PLOD2: variants seen among roughly 807,000 people sequenced by gnomAD.
PLOD2 encodes the protein lysine hydroxylase 2.
Under a neutral mutation model 101.0 loss-of-function variants are expected in PLOD2, and 65 were observed. The ratio of observed to expected loss-of-function variants is 0.64; its 90% CI spans 0.53 to 0.79. The LOEUF (loss-of-function observed/expected upper bound fraction) is 0.79. PLOD2 is among the 30% of genes least tolerant of loss of function. The probability of loss-of-function intolerance (pLI) is 0.00; values close to 1 mark genes in which losing one functional copy is unlikely to be tolerated. For missense variants in PLOD2, 909 were observed against 914.6 expected (o/e 0.99, Z 0.08); for synonymous variants, 314 against 302.9 (o/e 1.04, Z -0.38).
rs5853264 is a variant in PLOD2 at position 146,099,880 on chromosome 3, CTTT to C, written c.777+2872_777+2874del. Among the ~76,000 whole-genome samples the C allele has an allele frequency of 3.5e-4, 45 of 129,256 alleles. 1 individual carries two copies. The highest frequency in any genetic ancestry group is 6.3e-4 in the Non-Finnish European group (39 of 62,022). 84.8% of individuals were successfully genotyped at this position (129,256 alleles called of 152,430 possible). A position where few individuals can be genotyped will look rare whatever the true frequency, so the allele number is the denominator to read the frequency against. On this transcript the variant is annotated intron_variant, in intron 7 of 19. Coordinates refer to ENST00000282903, the MANE Select transcript of PLOD2 (RefSeq NM_182943.3). Reference sequence around the variant, plus strand: ...GCCTAGGGAAAGTTACAGTGACCAACTTTTTTTTTTTTTTTTTTTGAGACAGAG... The same window carrying C: ...GCCTAGGGAAAGTTACAGTGACCAACTTTTTTTTTTTTTTTTGAGACAGAG...
chr3:146,121,975 T>C (rs145024288), intron 2 of PLOD2, among the ~76,000 whole-genome samples: 5 of 152,260 alleles, frequency 3.3e-5, no homozygotes, highest in African/African-American at 1.2e-4. Flanking sequence ...ACACACCTTT[T>C]CTCTTCATTT....
chr3:146,085,192 T>C lies in PLOD2; in HGVS notation c.1209A>G (p.Leu403=). The part of the protein sequence containing the change: ...ADVVLTNPRT[L]KILIEQNRKI... ...ACCTGTTTTGTTCAATCAAAATTTTTAAAGTCCTTGGATTTGTCAAAACAA... is the reference window on the plus strand; with the variant it reads ...ACCTGTTTTGTTCAATCAAAATTTTCAAAGTCCTTGGATTTGTCAAAACAA... The change falls in exon 11 of 20, where the codon TTA becomes TTG. Residue 403 remains leucine (L), a synonymous_variant. Coordinates refer to ENST00000282903, the MANE Select transcript of PLOD2 (RefSeq NM_182943.3). 1 of 1,571,520 alleles carries C rather than the reference T, an allele frequency of 6.4e-7. No individual in the cohort carries two copies. Among genetic ancestry groups the C allele is most frequent in the Non-Finnish European group, 8.8e-7 (1 of 1,142,356 alleles).
chr3:146,147,568 G>C (rs911067165), intron 1 of PLOD2, among the ~76,000 whole-genome samples: 1 of 152,060 alleles, frequency 6.6e-6, no homozygotes, highest in Non-Finnish European at 1.5e-5. Context: ...GCTGTGTAAT[G>C]CAGGACACTT....
chr3:146,114,534 G>A (rs1937808966), intron 3 of PLOD2, among the ~76,000 whole-genome samples: 2 of 152,056 alleles, frequency 1.3e-5, no homozygotes, highest in African/African-American at 4.8e-5. Flanking sequence ...AGTGACCCCA[G>A]GAAAAATCAG....
At chr3:146,129,017 T>C (rs1387736857) in intron 1 of PLOD2, among the ~76,000 whole-genome samples, 2 of 148,000 alleles carry the variant, frequency 1.4e-5, no homozygotes, top group Non-Finnish European at 3.0e-5. Context: ...CAAGTAACTT[T>C]AAACACAGTT....
Position 146,081,786 on chromosome 3 carries a change from T to C in PLOD2, c.1310A>G (p.Tyr437Cys), listed in dbSNP as rs1559837106. 1 of 1,607,200 alleles carries C rather than the reference T, an allele frequency of 6.2e-7. No homozygotes were observed. The highest frequency in any genetic ancestry group is 8.5e-7 in the Non-Finnish European group (1 of 1,173,780). The change falls in exon 12 of 20, where the codon TAC (tyrosine) becomes TGC (cysteine). Residue 437 changes from tyrosine (Y) to cysteine (C), a missense_variant. Tyr to Cys is a radical substitution (Grantham distance 194, BLOSUM62 -2). Coordinates refer to ENST00000282903, the MANE Select transcript of PLOD2 (RefSeq NM_182943.3). ...NFWGALSPDG[Y>C]YARSEDYVDI... ...CACATAATCTTCAGATCGTGCATAG[T>C]ATCCATCAGGACTCAATGCTCCCCA...
chr3:146,113,090 A>C (rs1937722876), intron 3 of PLOD2, among the ~76,000 whole-genome samples: 1 of 152,232 alleles, frequency 6.6e-6, no homozygotes, highest in African/African-American at 2.4e-5. Flanking sequence ...AGTATAGCTC[A>C]AACTATTAAT....
intron 9 of PLOD2, among the ~76,000 whole-genome samples, chr3:146,087,702 G>A (rs930278194): frequency 5.3e-5 from 8 of 151,710 alleles, no homozygotes; most frequent in East Asian, 3.9e-4. Flanking sequence ...AAAAACGTCC[G>A]CCATCAAGGA....
chr3:146,154,276 C>T (rs11718741), intron 1 of PLOD2, among the ~76,000 whole-genome samples: 49,076 of 151,920 alleles, frequency 0.32, 8,193 homozygotes, highest in South Asian at 0.42. Context: ...ACTTGAAATA[C>T]GGTTTTTTCT....
At chr3:146,100,689 GAGA>G (rs1937355422) in intron 7 of PLOD2, among the ~76,000 whole-genome samples, 1 of 152,142 alleles carries the variant, frequency 6.6e-6, no homozygotes, top group Non-Finnish European at 1.5e-5. Flanking sequence ...AGGGAGAAAG[GAGA>G]AGAAATTGAA....
chr3:146,157,140 G>A (rs982448841), intron 1 of PLOD2, among the ~76,000 whole-genome samples: 1 of 152,112 alleles, frequency 6.6e-6, no homozygotes, highest in Non-Finnish European at 1.5e-5. Context: ...AAGTTCTGGG[G>A]GAAGAAGAAA....
intron 1 of PLOD2, among the ~76,000 whole-genome samples, chr3:146,157,288 C>A (rs1049384567): frequency 6.6e-6 from 1 of 152,084 alleles, no homozygotes; most frequent in Admixed American, 6.5e-5. Flanking sequence ...AAAACTCAGC[C>A]CTTCACTTTG....
chr3:146,086,842 T>C lies in PLOD2; in HGVS notation c.1072A>G (p.Lys358Glu), dbSNP rs755206053. The C allele has an allele frequency of 1.8e-5, 27 of 1,539,204 alleles. No homozygotes were observed. The highest frequency in any genetic ancestry group is 1.8e-6 in the Non-Finnish European group (2 of 1,126,216). Reference sequence around the variant, plus strand: ...AGATTTTCTTCTGGTCCTACTATTTTTATAGTTTTGATTTCATGCTTAGCT... The same window carrying C: ...AGATTTTCTTCTGGTCCTACTATTTCTATAGTTTTGATTTCATGCTTAGCT... ...DKAKHEIKTI[K>E]IVGPEENLSQ... is the part of the protein sequence containing the mutation. Residue 358 changes from lysine (K) to glutamate (E), a missense_variant, in exon 10 of 20, where the codon AAA (lysine) becomes GAA (glutamate). Transcript: ENST00000282903.
rs187055368 is a variant in PLOD2, at chr3:146,141,577, T to A, written c.110-17348A>T. Among the ~76,000 whole-genome samples, 19 of 152,264 alleles carry A rather than the reference T, an allele frequency of 1.2e-4. No individual in the cohort carries two copies. The East Asian group carries it at 3.7e-3, about 29-fold the overall frequency. Reference sequence around the variant, plus strand: ...AACAGATACTGACATTCACTGTTTATCAGGCACTGTGCTACATGTTGGAGA... The same window carrying A: ...AACAGATACTGACATTCACTGTTTAACAGGCACTGTGCTACATGTTGGAGA... On this transcript the variant is annotated intron_variant, in intron 1 of 19. Coordinates refer to ENST00000282903, the MANE Select transcript of PLOD2 (RefSeq NM_182943.3).
chr3:146,149,024 G>A (rs1446801587), intron 1 of PLOD2, among the ~76,000 whole-genome samples: 2 of 152,176 alleles, frequency 1.3e-5, no homozygotes, highest in African/African-American at 2.4e-5. Flanking sequence ...TTTCTGTTCA[G>A]GGAAGAATTC....
chr3:146,096,170 G>T (rs1163852711), intron 7 of PLOD2, among the ~76,000 whole-genome samples: 1 of 147,654 alleles, frequency 6.8e-6, no homozygotes, highest in Non-Finnish European at 1.5e-5. Context: ...ATTGCAGATG[G>T]AGTCTCGTTC....
chr3:146,127,699 C>A (rs550271921), intron 1 of PLOD2, among the ~76,000 whole-genome samples: 2 of 152,082 alleles, frequency 1.3e-5, no homozygotes, highest in Admixed American at 1.3e-4. Flanking sequence ...CCCAGTACTG[C>A]GATGGCTGAA....
At chr3:146,101,698 G>C (rs1331460930) in intron 7 of PLOD2, among the ~76,000 whole-genome samples, 1 of 152,244 alleles carries the variant, frequency 6.6e-6, no homozygotes, top group African/African-American at 2.4e-5. Context: ...CTGGAAGGCA[G>C]TGTGGATTGA....
intron 7 of PLOD2, 143 bp downstream of exon 7, chr3:146,102,612 A>T: frequency 1.6e-6 from 1 of 613,570 alleles, no homozygotes. Context: ...CAGATGATAT[A>T]CTGTGTAAAA....
Sources: allele counts gnomAD v4.1 joint callset (sites outside exome capture counted in the v4.1 genomes callset), GRCh38; gene constraint gnomAD v4.1.1; transcripts MANE v1.5; gene names NCBI Gene and HGNC (gene_info 2026-07-23, HGNC 2026-07-21).